Variants in UNC13A observed in about 807,000 individuals in gnomAD.
The protein encoded by UNC13A is protein unc-13 homolog A.
A neutral mutation model predicts 219.7 loss-of-function variants in UNC13A; 61 were observed. That is an observed-to-expected ratio of 0.28 (90% confidence interval 0.23 to 0.34). UNC13A has a LOEUF of 0.34. Ranked by LOEUF, UNC13A falls within the 10% of genes least tolerant of loss-of-function variation. The pLI is 1.00. For synonymous variants in UNC13A, 920 were observed against 884.6 expected (o/e 1.04, Z -0.71); for missense variants, 1,476 against 2,270.3 (o/e 0.65, Z 7.11).
intron 37 of UNC13A, among the ~76,000 whole-genome samples, 170 bp from the exon 38 acceptor site, chr19:17,620,892 C>G (rs1384632024): frequency 1.3e-5 from 2 of 151,998 alleles, no homozygotes; most frequent in Non-Finnish European, 2.9e-5. Flanking sequence ...CCTCTGGTCC[C>G]CTAGCAGGGG....
intron 26 of UNC13A, 120 bp from the exon 27 acceptor site, chr19:17,633,313 T>G (rs1416544951): frequency 5.8e-6 from 5 of 867,030 alleles, no homozygotes; most frequent in Non-Finnish European, 9.2e-6. Context: ...GGGTTCAGGT[T>G]CCCTCATAGC....
chr19:17,612,870 C>A (rs10403004), intron 41 of UNC13A, among the ~76,000 whole-genome samples: 44,511 of 151,174 alleles, frequency 0.29, 7,024 homozygotes, highest in African/African-American at 0.39. Context: ...AAATAAATAA[C>A]ATTTAAAAGT....
intron 6 of UNC13A, among the ~76,000 whole-genome samples, chr19:17,667,088 T>A (rs1211647846): frequency 6.6e-6 from 1 of 152,096 alleles, no homozygotes; most frequent in South Asian, 2.1e-4. Flanking sequence ...CCGTCTCTAC[T>A]AAAAATACAA....
intron 25 of UNC13A, 67 bp from the exon 26 acceptor site, chr19:17,636,224 C>A: frequency 1.3e-6 from 2 of 1,494,106 alleles, no homozygotes; most frequent in Non-Finnish European, 1.8e-6. Flanking sequence ...CAGTTTATTA[C>A]TGAAGAACAA....
chr19:17,648,186 C>A, intron 16 of UNC13A, among the ~76,000 whole-genome samples: 1 of 151,698 alleles, frequency 6.6e-6, no homozygotes, highest in East Asian at 2.0e-4. Context: ...TGCCCCACCC[C>A]TCTCTGACAC....
At chr19:17,686,412 G>A (rs1477324514) in intron 1 of UNC13A, among the ~76,000 whole-genome samples, 2 of 151,178 alleles carry the variant, frequency 1.3e-5, no homozygotes, top group Non-Finnish European at 2.9e-5. Context: ...GGATAGAGGA[G>A]TCAGCCAAGA....
At chr19:17,630,585 G>C (rs1001595911) in intron 29 of UNC13A, 69 bp downstream of exon 29, 2 of 1,550,580 alleles carry the variant, frequency 1.3e-6, no homozygotes, top group East Asian at 4.5e-5. Flanking sequence ...CTCATCTCAA[G>C]GGCAAATTTC....
intron 5 of UNC13A, among the ~76,000 whole-genome samples, chr19:17,668,700 G>A (rs2079713646): frequency 6.6e-6 from 1 of 152,072 alleles, no homozygotes; most frequent in Non-Finnish European, 1.5e-5. Context: ...TGTTGGCCAG[G>A]CTGCTCTCAA....
intron 7 of UNC13A, among the ~76,000 whole-genome samples, chr19:17,664,782 C>T (rs2079611331): frequency 6.6e-6 from 1 of 152,136 alleles, no homozygotes; most frequent in South Asian, 2.1e-4. Flanking sequence ...AAACAGGGTA[C>T]CCCAGCTGGA....
In UNC13A at chr19:17,630,125, C is replaced by A; in HGVS notation, c.3669+20G>T. On this transcript the variant is annotated intron_variant, in intron 30 of 43. Coordinates refer to ENST00000519716, the MANE Select transcript of UNC13A (RefSeq NM_001080421.3). ...CCCTGACCCTGTCCCCTAGCCCCAA[C>A]CCTACCCACTCTCCCACACCTTGGC... The A allele has an allele frequency of 1.3e-6, 2 of 1,551,450 alleles. No homozygotes were observed. Among genetic ancestry groups the A allele is most frequent in the Non-Finnish European group, 1.7e-6 (2 of 1,146,826 alleles).
intron 10 of UNC13A, 141 bp downstream of exon 10, chr19:17,655,742 C>A (rs956177055): frequency 2.8e-6 from 4 of 1,420,104 alleles, no homozygotes; most frequent in Non-Finnish European, 2.7e-6. Context: ...GCCCTGTCAC[C>A]TCTGATCCCT....
chr19:17,669,498 G>C, intron 5 of UNC13A, 55 bp downstream of exon 5: 11 of 1,592,742 alleles, frequency 6.9e-6, no homozygotes, highest in Non-Finnish European at 9.4e-6. Flanking sequence ...GAATAGCTGA[G>C]TGAGTCCACA....
chr19:17,641,415 C>T lies in UNC13A; in HGVS notation c.2614G>A (p.Glu872Lys), dbSNP rs1463276970. ...VDEFAMRYGVESIYQAMTHFA... is the reference protein window; with the variant it reads ...VDEFAMRYGVKSIYQAMTHFA... Reference sequence around the variant, plus strand: ...CACGTCATGGCTTGGTAGATGGACTCGACGCCGTAGCGCATGGCAAACTCG... The same window carrying T: ...CACGTCATGGCTTGGTAGATGGACTTGACGCCGTAGCGCATGGCAAACTCG... Residue 872 changes from glutamate (E) to lysine (K), a missense_variant, in exon 21 of 44, where the codon GAG becomes AAG. By Grantham distance (56) the Glu-to-Lys change is moderately conservative (BLOSUM62 1). Around this residue, in one of 14 missense-constraint regions of UNC13A, gnomAD observed 140 missense variants for 270.9 expected, o/e 0.52. Coordinates refer to ENST00000519716, the MANE Select transcript of UNC13A (RefSeq NM_001080421.3). The T allele has an allele frequency of 1.9e-6, 3 of 1,614,058 alleles. No individual in the cohort carries two copies. The highest frequency in any genetic ancestry group is 1.7e-5 in the Admixed American group (1 of 60,000).
intron 15 of UNC13A, 79 bp downstream of exon 15, chr19:17,648,833 C>A: frequency 1.3e-6 from 2 of 1,527,074 alleles, no homozygotes; most frequent in South Asian, 2.4e-5. Flanking sequence ...TTCCCGGGGA[C>A]CCACAGAGGC....
At chr19:17,645,869 C>T (rs377520785) in intron 18 of UNC13A, 26 bp from the exon 19 acceptor site, 23 of 1,590,146 alleles carry the variant, frequency 1.4e-5, no homozygotes, top group Middle Eastern at 3.3e-4. Context: ...GAGGCAGAGG[C>T]AGGGGTCAGG....
At chr19:17,641,851 A>G (rs926281345) in intron 20 of UNC13A, among the ~76,000 whole-genome samples, 1 of 151,592 alleles carries the variant, frequency 6.6e-6, no homozygotes, top group African/African-American at 2.4e-5. Flanking sequence ...TCATACAACC[A>G]ACCATCCATC....
At chr19:17,672,147 G>C (rs1209639783) in intron 4 of UNC13A, among the ~76,000 whole-genome samples, 1 of 152,148 alleles carries the variant, frequency 6.6e-6, no homozygotes, top group Non-Finnish European at 1.5e-5. Context: ...GCAATGGTGA[G>C]CCTAAAGCAG....
intron 25 of UNC13A, among the ~76,000 whole-genome samples, chr19:17,637,147 G>A (rs1460782317): frequency 6.6e-6 from 1 of 151,178 alleles, no homozygotes; most frequent in East Asian, 1.9e-4. Context: ...GCTAATTTTT[G>A]TATATTTTGC....
intron 7 of UNC13A, among the ~76,000 whole-genome samples, chr19:17,666,199 T>TCTCTCTCTCTCTCTTTCTTTC (rs760106069): frequency 6.9e-6 from 1 of 144,058 alleles, no homozygotes; most frequent in Non-Finnish European, 1.5e-5. Context: ...CTTTCTCTCT[T>TCTCTCTCTCTCTCTTTCTTTC]TCTTTCTCTT....
Sources: gnomAD v4.1 joint callset for allele counts (sites outside exome capture counted in the v4.1 genomes callset) on GRCh38, gnomAD v4.1.1 for gene constraint, gnomAD v4.1.1 regional missense constraint, MANE v1.5 for transcripts, NCBI Gene and HGNC (gene_info 2026-07-23, HGNC 2026-07-21) for gene names.